Variants in RUFY2 observed in about 807,000 individuals in gnomAD.
RUFY2 encodes RUN and FYVE domain-containing protein 2.
In RUFY2, 49 loss-of-function variants were observed where a neutral mutation model predicts 94.4. That is an observed-to-expected ratio of 0.52 (90% CI 0.41 to 0.66). The LOEUF (loss-of-function observed/expected upper bound fraction) is 0.66. Ranked by LOEUF, RUFY2 falls within the 30% of genes least tolerant of loss-of-function variation. RUFY2 has a pLI of 0.00. For synonymous variants in RUFY2, 255 were observed against 235.7 expected, an observed-to-expected ratio of 1.08 and a Z score of -0.75; for missense variants, 541 against 692.8, an observed-to-expected ratio of 0.78 and a Z score of 2.46.
At chr10:68,389,195 G>A (rs867594944) in intron 7 of RUFY2, among the ~76,000 whole-genome samples, 5 of 152,212 alleles carry the variant, frequency 3.3e-5, no homozygotes, top group African/African-American at 9.6e-5. Flanking sequence ...CACTGAGCCC[G>A]GTGCAATGAA....
chr10:68,353,266 G>A (rs912139532), intron 16 of RUFY2, among the ~76,000 whole-genome samples: 1 of 151,708 alleles, frequency 6.6e-6, no homozygotes. Context: ...GGGAGGCGGA[G>A]GTTGCAATGA....
At chr10:68,396,611 T>C (rs2050413562) in intron 4 of RUFY2, among the ~76,000 whole-genome samples, 169 bp downstream of exon 4, 1 of 152,206 alleles carries the variant, frequency 6.6e-6, no homozygotes, top group African/African-American at 2.4e-5. Context: ...TAGTTCCTGA[T>C]CCATGTTATG....
chr10:68,379,438 C>T lies in RUFY2; in HGVS notation c.1191G>A (p.Arg397=). 6.2e-7 allele frequency: 1 copy of T among 1,607,690 alleles called. No individual in the cohort carries two copies. Among genetic ancestry groups the T allele is most frequent in the Non-Finnish European group, 8.5e-7 (1 of 1,177,696 alleles). ...EKTNKITAAM[R]QLEQRLQQAE... ...AAATGCTGTACCTTTGTTCCAGCTG[C>T]CTCATGGCTGCAGTAATTTTATTGG... is the stretch of plus-strand genomic sequence containing the variant. The change falls in exon 12 of 18, where the codon AGG becomes AGA. Residue 397 remains arginine, a synonymous_variant. Transcript: ENST00000602465.
chr10:68,368,707 T>C (rs896584080), intron 13 of RUFY2, among the ~76,000 whole-genome samples: 1 of 152,080 alleles, frequency 6.6e-6, no homozygotes, highest in African/African-American at 2.4e-5. Flanking sequence ...GAGAAGAAGT[T>C]TGATCAGCTA....
chr10:68,343,003 G>A (rs989643702), downstream of RUFY2: 3 of 152,126 alleles, frequency 2.0e-5, no homozygotes, highest in Non-Finnish European at 4.4e-5. Context: ...CCTGCTTGGA[G>A]TTTTAGTTTA....
chr10:68,366,331 A>C (rs1589832610), intron 13 of RUFY2, among the ~76,000 whole-genome samples: 1 of 63,022 alleles, frequency 1.6e-5, no homozygotes, highest in Non-Finnish European at 3.5e-5. Context: ...ACTCCATCTC[A>C]AAAAAAAAAA....
rs267602554 is a variant in RUFY2 at position 68,396,849 on chromosome 10, C to T, written c.329G>A (p.Arg110Gln). The change falls in exon 4 of 18, where the codon CGA becomes CAA. Residue 110 changes from arginine to glutamine, a missense_variant. By Grantham distance (43) the Arg-to-Gln change is conservative. This residue lies in a region of RUFY2 where 85 missense variants were observed against 153.4 expected (regional missense o/e 0.55). Transcript: ENST00000602465. ...CATTTTTTTTTGCATGAGGGCTAAT[C>T]GAAGCCACGCTCTTGCTCGACCCAG... ...TPLGRARAWL[R>Q]LALMQKKMAD... 1 of 1,613,816 alleles carries T rather than the reference C, an allele frequency of 6.2e-7. No homozygotes were observed.
chr10:68,407,274 A>C lies in RUFY2; in HGVS notation c.-85T>G, dbSNP rs897398535. On this transcript the variant is annotated 5_prime_UTR_variant, in exon 1 of 18. The change abolishes an upstream ATG in the 5' untranslated region. Coordinates refer to ENST00000602465, the MANE Select transcript of RUFY2 (RefSeq NM_001330103.2). Reference sequence around the variant, plus strand: ...CCAGGCGCTCGGCGGCCACCACCGCATCTGCAGCCAGGCCCGCTGCAGCCC... The same window carrying C: ...CCAGGCGCTCGGCGGCCACCACCGCCTCTGCAGCCAGGCCCGCTGCAGCCC... 14 of 1,188,290 alleles carry C rather than the reference A, an allele frequency of 1.2e-5. No individual in the cohort carries two copies. In the African/African-American group the frequency reaches 2.3e-4, roughly 19 times the overall value. The allele number at this position is 1,188,290 out of a possible 1,614,324, so 73.6% of individuals were successfully genotyped here.
intron 4 of RUFY2, among the ~76,000 whole-genome samples, chr10:68,396,356 T>G (rs1336632834): frequency 6.6e-6 from 1 of 151,494 alleles, no homozygotes; most frequent in Admixed American, 6.6e-5. Flanking sequence ...ATATGGATAT[T>G]CAAATTCTAA....
At position 68,394,406 on chromosome 10, in the gene RUFY2, T is replaced by G; in HGVS notation, c.444A>C (p.Ala148=). Residue 148 remains alanine, a synonymous_variant, in exon 5 of 18, where the codon GCA becomes GCC. Coordinates refer to ENST00000602465, the MANE Select transcript of RUFY2 (RefSeq NM_001330103.2). ...GGCCAACCAGCAGCCCAACAATTACTGCTCCTTCTTCTTCCATCATTAGTG... is the reference window on the plus strand; with the variant it reads ...GGCCAACCAGCAGCCCAACAATTACGGCTCCTTCTTCTTCCATCATTAGTG... The part of the protein sequence containing the change: ...YHALMMEEEG[A]VIVGLLVGLN... The G allele has an allele frequency of 6.2e-7, 1 of 1,613,810 alleles. No individual in the cohort carries two copies. Among genetic ancestry groups the G allele is most frequent in the Non-Finnish European group, 8.5e-7 (1 of 1,179,764 alleles).
intron 7 of RUFY2, among the ~76,000 whole-genome samples, chr10:68,391,757 C>T (rs1045221079): frequency 1.3e-5 from 2 of 149,898 alleles, no homozygotes; most frequent in Non-Finnish European, 3.0e-5. Flanking sequence ...GTCAAGAGTT[C>T]GAGACCAGCC....
chr10:68,372,628 G>A (rs893760280), intron 13 of RUFY2, among the ~76,000 whole-genome samples: 7 of 150,072 alleles, frequency 4.7e-5, no homozygotes, highest in Admixed American at 1.3e-4. Flanking sequence ...AGTGGCTCAC[G>A]GCTGTAATCC....
rs1482626829 is a variant in RUFY2, at chr10:68,363,816, T to A, written c.1456-132A>T. On this transcript the variant is annotated intron_variant, in intron 14 of 17. Transcript: ENST00000602465. ...AAGAAACAAATTGTGTCCAAAGCTC[T>A]TTCCTAGCTGCTGTATCAACTATTT... 8.4e-6 allele frequency: 7 copies of A among 831,206 alleles called. 1 individual carries two copies. In the South Asian group the frequency reaches 1.2e-4, roughly 14 times the overall value. 51.5% of individuals were successfully genotyped at this position (831,206 alleles called of 1,614,324 possible).
chr10:68,385,299 A>G (rs2049411447), intron 8 of RUFY2, among the ~76,000 whole-genome samples: 1 of 152,106 alleles, frequency 6.6e-6, no homozygotes, highest in Admixed American at 6.6e-5. Flanking sequence ...GAGAATGTTA[A>G]TTAACATGGA....
At chr10:68,374,282 AAAAG>A (rs1198513760) in intron 13 of RUFY2, among the ~76,000 whole-genome samples, 1 of 152,202 alleles carries the variant, frequency 6.6e-6, no homozygotes, top group East Asian at 1.9e-4. Flanking sequence ...CAAAAGAAAA[AAAAG>A]AAACTTCAAA....
chr10:68,369,497 C>A lies in RUFY2; in HGVS notation c.1326-5384G>T, dbSNP rs72797506. ...CAGACCTTGTCTCAAAAAAAAAAAA[C>A]AAAAAAAAAAACAAAAAAAAACCAG... On this transcript the variant is annotated intron_variant, in intron 13 of 17. Coordinates refer to ENST00000602465, the MANE Select transcript of RUFY2 (RefSeq NM_001330103.2). Among the ~76,000 whole-genome samples the A allele has an allele frequency of 9.9e-4, 142 of 143,610 alleles. 1 individual carries two copies. Among genetic ancestry groups the A allele is most frequent in the Non-Finnish European group, 7.5e-4 (49 of 65,380 alleles). The allele number at this position is 143,610 out of a possible 152,430, so 94.2% of individuals were successfully genotyped here. A position where few individuals can be genotyped will look rare whatever the true frequency, so the allele number is the denominator to read the frequency against.
Position 68,344,256 on chromosome 10 carries a change from A to G in RUFY2, c.*1512T>C, listed in dbSNP as rs1336699464. 1 of 152,196 alleles carries G rather than the reference A, an allele frequency of 6.6e-6. No individual in the cohort carries two copies. Among genetic ancestry groups the G allele is most frequent in the Non-Finnish European group, 1.5e-5 (1 of 68,042 alleles). The allele number at this position is 152,196 out of a possible 1,614,324, so 9.4% of individuals were successfully genotyped here. A position where few individuals can be genotyped will look rare whatever the true frequency, so the allele number is the denominator to read the frequency against. ...AAATTTAAATTTCATGGAAGCATAT[A>G]TTCATGAAGAAAAGATCCTGCAGTA... On this transcript the variant is annotated 3_prime_UTR_variant, in exon 18 of 18. Coordinates refer to ENST00000602465, the MANE Select transcript of RUFY2 (RefSeq NM_001330103.2).
At chr10:68,402,142 A>G (rs1206248387) in intron 2 of RUFY2, among the ~76,000 whole-genome samples, 1 of 151,736 alleles carries the variant, frequency 6.6e-6, no homozygotes, top group African/African-American at 2.4e-5. Flanking sequence ...TTTAGTAAGT[A>G]GAGATGGCAT....
chr10:68,365,534 G>A (rs964579905), intron 13 of RUFY2, among the ~76,000 whole-genome samples: 20 of 152,222 alleles, frequency 1.3e-4, no homozygotes, highest in African/African-American at 4.6e-4. Flanking sequence ...TGAGCCACCA[G>A]GACAGGCTCC....
Sources: allele counts gnomAD v4.1 joint callset (sites outside exome capture counted in the v4.1 genomes callset), GRCh38; gene constraint gnomAD v4.1.1; regional missense constraint gnomAD v4.1.1; transcripts MANE v1.5; gene names NCBI Gene and HGNC (gene_info 2026-07-23, HGNC 2026-07-21).